SORCS1: variants seen among roughly 807,000 people sequenced by gnomAD.
The protein encoded by SORCS1 is sortilin related VPS10 domain containing receptor 1, also known as VPS10 domain-containing receptor SorCS1.
In SORCS1, 60 loss-of-function variants were observed where a neutral mutation model predicts 146.1. The ratio of observed to expected loss-of-function variants is 0.41; its 90% CI spans 0.33 to 0.51. The LOEUF (loss-of-function observed/expected upper bound fraction) is 0.51. Among genes scored for constraint, SORCS1 ranks in the 20% least tolerant of loss-of-function variants. SORCS1 has a pLI of 0.21. For missense variants in SORCS1, 1,352 were observed against 1,487.6 expected, an observed-to-expected ratio of 0.91 and a Z score of 1.50; for synonymous variants, 637 against 584.0, an observed-to-expected ratio of 1.09 and a Z score of -1.31.
intron 1 of SORCS1, among the ~76,000 whole-genome samples, chr10:107,004,228 A>G (rs934883043): frequency 6.6e-6 from 1 of 151,628 alleles, no homozygotes; most frequent in Non-Finnish European, 1.5e-5. Flanking sequence ...ATTGTATGTA[A>G]TAACTCCTGA....
intron 9 of SORCS1, 134 bp from the exon 10 acceptor site, chr10:106,688,472 G>C (rs1853044082): frequency 2.1e-6 from 2 of 947,950 alleles, no homozygotes; most frequent in African/African-American, 3.3e-5. Flanking sequence ...GACGATGGGG[G>C]AAGGAGGTGG....
In SORCS1 at chr10:107,082,836, G is replaced by T. The variant is rs139738200; in HGVS notation, c.558+81133C>A. On this transcript the variant is annotated intron_variant, in intron 1 of 25. Coordinates refer to ENST00000263054, the MANE Select transcript of SORCS1 (RefSeq NM_052918.5). ...CTTTAAGTCCAAAGTCCAAGAGCTG[G>T]ATTTCTTGATGTGAGAAGAAATCTG... Among the ~76,000 whole-genome samples the T allele has an allele frequency of 9.2e-3, 1,400 of 152,060 alleles. 19 individuals are homozygous for T. The highest frequency in any genetic ancestry group is 0.01 in the Non-Finnish European group (691 of 67,972).
chr10:107,095,103 G>A (rs1485483273), intron 1 of SORCS1, among the ~76,000 whole-genome samples: 1 of 152,180 alleles, frequency 6.6e-6, no homozygotes, highest in Non-Finnish European at 1.5e-5. Flanking sequence ...AAGTCAAGAG[G>A]TGAAGTGACT....
chr10:106,730,343 A>C (rs1260717880), intron 5 of SORCS1, among the ~76,000 whole-genome samples: 1 of 152,238 alleles, frequency 6.6e-6, no homozygotes, highest in East Asian at 1.9e-4. Flanking sequence ...CATTCTAGCA[A>C]GGATGTTGCA....
chr10:106,800,063 G>T (rs1017376769), intron 3 of SORCS1, among the ~76,000 whole-genome samples: 1 of 152,142 alleles, frequency 6.6e-6, no homozygotes, highest in Non-Finnish European at 1.5e-5. Context: ...CAGGGAGTCA[G>T]AATTGTCTGC....
rs1356682667 is a variant in SORCS1, at chr10:106,574,450, G to A, written c.*2970C>T. ...GATTAGCGAGTAGGTAGGCACTTAG[G>A]TCCCTCCCATTTGTAGGCTCTCATT... On this transcript the variant is annotated 3_prime_UTR_variant, in exon 26 of 26. Coordinates refer to ENST00000263054, the MANE Select transcript of SORCS1 (RefSeq NM_052918.5). The A allele has an allele frequency of 6.6e-6, 1 of 152,520 alleles. No individual in the cohort carries two copies. Among genetic ancestry groups the A allele is most frequent in the East Asian group, 1.9e-4 (1 of 5,188 alleles). The allele number at this position is 152,520 out of a possible 1,614,324, so 9.4% of individuals were successfully genotyped here.
intron 10 of SORCS1, among the ~76,000 whole-genome samples, chr10:106,680,806 T>C (rs769123715): frequency 2.6e-5 from 4 of 152,220 alleles, no homozygotes; most frequent in Non-Finnish European, 4.4e-5. Context: ...GTTATTACTT[T>C]TATTCTGCTC....
At chr10:106,940,976 C>T (rs1486567262) in intron 2 of SORCS1, among the ~76,000 whole-genome samples, 1 of 152,180 alleles carries the variant, frequency 6.6e-6, no homozygotes, top group Non-Finnish European at 1.5e-5. Context: ...GGTTCAAAGC[C>T]TGGGCTCTGG....
chr10:107,014,508 T>C (rs1384109783), intron 1 of SORCS1, among the ~76,000 whole-genome samples: 1 of 152,190 alleles, frequency 6.6e-6, no homozygotes, highest in Non-Finnish European at 1.5e-5. Context: ...CCAAAATGCT[T>C]CTTTCCTCCT....
chr10:106,702,874 T>A (rs1181658179), intron 8 of SORCS1, among the ~76,000 whole-genome samples: 1 of 152,198 alleles, frequency 6.6e-6, no homozygotes, highest in African/African-American at 2.4e-5. Flanking sequence ...TTTTCTAAAG[T>A]CTGCTCCATA....
chr10:106,921,943 T>C (rs1171857477), intron 2 of SORCS1, among the ~76,000 whole-genome samples: 5 of 152,192 alleles, frequency 3.3e-5, no homozygotes, highest in African/African-American at 4.8e-5. Flanking sequence ...ATCTAAGAAA[T>C]TGCTTTCCAT....
At chr10:106,914,608 C>T (rs1170335179) in intron 2 of SORCS1, among the ~76,000 whole-genome samples, 1 of 152,088 alleles carries the variant, frequency 6.6e-6, no homozygotes, top group African/African-American at 2.4e-5. Context: ...AGTCATTTAT[C>T]CTCTCTGGAC....
intron 17 of SORCS1, among the ~76,000 whole-genome samples, chr10:106,660,414 T>C (rs1418316129): frequency 6.6e-6 from 1 of 152,232 alleles, no homozygotes; most frequent in African/African-American, 2.4e-5. Context: ...AACTTCTCTC[T>C]TCTGGCTATT....
chr10:107,018,244 G>A (rs1422616525), intron 1 of SORCS1, among the ~76,000 whole-genome samples: 3 of 151,804 alleles, frequency 2.0e-5, no homozygotes, highest in Non-Finnish European at 4.4e-5. Context: ...GCGCAATCTT[G>A]GCTCACTGCA....
At chr10:106,832,459 G>A (rs1948592282) in intron 2 of SORCS1, among the ~76,000 whole-genome samples, 1 of 152,068 alleles carries the variant, frequency 6.6e-6, no homozygotes, top group Non-Finnish European at 1.5e-5. Context: ...GAAGTTCTGG[G>A]ATTACAGGTG....
In SORCS1 at chr10:106,706,679, C is replaced by T. The variant is rs200169763; in HGVS notation, c.1144-45G>A. ...CTGTAAGAAGCTCGAGCTACTGTAA[C>T]AGGCACAGGTCACAGAACAGTCACC... On this transcript the variant is annotated intron_variant, in intron 7 of 25. Transcript: ENST00000263054. 3.0e-4 allele frequency: 477 copies of T among 1,570,886 alleles called. 2 individuals are homozygous for T. The African/African-American group carries it at 5.7e-3, about 19-fold the overall frequency.
chr10:107,161,014 C>T (rs1048138907), intron 1 of SORCS1, among the ~76,000 whole-genome samples: 1 of 152,134 alleles, frequency 6.6e-6, no homozygotes, highest in Non-Finnish European at 1.5e-5. Context: ...GAAGATCCCC[C>T]CAGGTGTTCC....
intron 1 of SORCS1, among the ~76,000 whole-genome samples, chr10:107,043,156 A>G (rs1959184105): frequency 6.6e-6 from 1 of 152,216 alleles, no homozygotes; most frequent in South Asian, 2.1e-4. Context: ...TAATCATAAG[A>G]AAACACTTCC....
chr10:107,055,751 T>C (rs913774118), intron 1 of SORCS1, among the ~76,000 whole-genome samples: 3 of 152,176 alleles, frequency 2.0e-5, no homozygotes, highest in African/African-American at 7.2e-5. Flanking sequence ...TGGAGTTACC[T>C]TGTGGTTTCT....
Sources: allele counts gnomAD v4.1 joint callset (sites outside exome capture counted in the v4.1 genomes callset), GRCh38; gene constraint gnomAD v4.1.1; transcripts MANE v1.5; gene names NCBI Gene and HGNC (gene_info 2026-07-23, HGNC 2026-07-21).